Variants in TSPEAR observed in about 807,000 individuals in gnomAD.
TSPEAR encodes thrombospondin-type laminin G domain and EAR repeat-containing protein.
TSPEAR carries 69 observed loss-of-function variants against 71.6 expected under a neutral mutation model. The ratio of observed to expected loss-of-function variants is 0.96; its 90% CI spans 0.79 to 1.18. The LOEUF is 1.18. Among genes scored for constraint, TSPEAR ranks in the 50% most tolerant of loss-of-function variants. TSPEAR has a pLI of 0.00. For missense variants in TSPEAR, 971 were observed against 894.9 expected, an observed-to-expected ratio of 1.09 and a Z score of -1.09; for synonymous variants, 402 against 387.2, an observed-to-expected ratio of 1.04 and a Z score of -0.45.
At chr21:44,658,552 T>G (rs56307129) in intron 1 of TSPEAR, among the ~76,000 whole-genome samples, 1,832 of 152,296 alleles carry the variant, frequency 0.012, 41 homozygotes, top group African/African-American at 0.042. Flanking sequence ...CTCTCTCTTT[T>G]ATCTTCATGT....
At chr21:44,618,417 G>C (rs1569222696) in intron 1 of TSPEAR, among the ~76,000 whole-genome samples, 1 of 152,182 alleles carries the variant, frequency 6.6e-6, no homozygotes, top group Non-Finnish European at 1.5e-5. Context: ...CTTTATAGCA[G>C]TGTGAAAAAG....
At position 44,710,258 on chromosome 21, in the gene TSPEAR, C is replaced by G. The variant is rs1172305279; in HGVS notation, c.82+1175G>C. 6.6e-6 allele frequency among the ~76,000 whole-genome samples: 1 copy of G among 152,218 alleles called. No homozygotes were observed. Among genetic ancestry groups the G allele is most frequent in the African/African-American group, 2.4e-5 (1 of 41,446 alleles). ...TCACCCAGTTCCAAGGCAGTCCCTG[C>G]GGGCAGGTGCAGCTGTGCGGGAGCT... On this transcript the variant is annotated intron_variant, in intron 1 of 11. Transcript: ENST00000323084. This position sits in a 1 kb window ranked among gnomAD's most constrained non-coding sequence, Gnocchi z 4.6.
intron 2 of TSPEAR, chr21:44,558,645 T>C (rs781904493): frequency 1.2e-6 from 2 of 1,613,176 alleles, no homozygotes; most frequent in Non-Finnish European, 1.7e-6. Flanking sequence ...ACAGCAGCTC[T>C]CTGGGCAGGC....
At chr21:44,509,749 C>A in intron 9 of TSPEAR, 1 of 284,114 alleles carries the variant, frequency 3.5e-6, no homozygotes. Flanking sequence ...TTAGTGCCAG[C>A]TGTGCCCAGC....
At chr21:44,500,040 C>T (rs957767215) in intron 11 of TSPEAR, 104 bp from the exon 12 acceptor site, 1 of 1,210,962 alleles carries the variant, frequency 8.3e-7, no homozygotes, top group Non-Finnish European at 1.1e-6. Flanking sequence ...CTCTGGGTCA[C>T]ATCTGAGCCT....
At chr21:44,539,219 A>T in intron 2 of TSPEAR, 1 of 1,552,304 alleles carries the variant, frequency 6.4e-7, no homozygotes, top group Non-Finnish European at 8.7e-7. Flanking sequence ...GGGGGAAGCC[A>T]CCTAACCCAG....
chr21:44,558,766 GGAGT>G (rs782208042), intron 2 of TSPEAR: 3 of 1,559,690 alleles, frequency 1.9e-6, no homozygotes, highest in South Asian at 2.5e-5. Flanking sequence ...AGTGAGTGTG[GGAGT>G]GAGTGAGGGA....
intron 1 of TSPEAR, among the ~76,000 whole-genome samples, chr21:44,636,227 A>T (rs1555936638): frequency 1.3e-5 from 2 of 152,172 alleles, no homozygotes; most frequent in African/African-American, 4.8e-5. Context: ...CCAGCACCCA[A>T]CCCTGCCGGG....
chr21:44,574,761 G>T, intron 1 of TSPEAR: 1 of 1,613,702 alleles, frequency 6.2e-7, no homozygotes, highest in African/African-American at 1.3e-5. Flanking sequence ...TTGCTCTGGG[G>T]CTTCCTCTTC....
intron 3 of TSPEAR, 21 bp downstream of exon 3, chr21:44,533,664 C>T: frequency 6.3e-7 from 1 of 1,587,160 alleles, no homozygotes; most frequent in Non-Finnish European, 8.6e-7. Flanking sequence ...GCAGGTGCAC[C>T]CTCCCCGGGT....
chr21:44,667,426 G>A (rs1178320778), intron 1 of TSPEAR, among the ~76,000 whole-genome samples: 2 of 152,218 alleles, frequency 1.3e-5, no homozygotes, highest in Non-Finnish European at 2.9e-5. Context: ...TCCATAGGAT[G>A]AGTGGGGACA....
chr21:44,504,604 T>G (rs1233135917), intron 11 of TSPEAR, among the ~76,000 whole-genome samples, 176 bp downstream of exon 11: 4 of 47,796 alleles, frequency 8.4e-5, no homozygotes, highest in Non-Finnish European at 1.1e-4. Context: ...GGGAAGCAAG[T>G]CTCTTGGAGG....
chr21:44,705,394 T>C (rs1987860256), intron 1 of TSPEAR, among the ~76,000 whole-genome samples: 1 of 152,218 alleles, frequency 6.6e-6, no homozygotes, highest in African/African-American at 2.4e-5. Context: ...TAACAGCAAT[T>C]GTTCAGGGAA....
At chr21:44,603,974 G>A (rs188026145) in intron 1 of TSPEAR, among the ~76,000 whole-genome samples, 5 of 151,958 alleles carry the variant, frequency 3.3e-5, no homozygotes, top group East Asian at 3.9e-4. Flanking sequence ...GGGAGACTGC[G>A]GGCTCACTGT....
chr21:44,504,533 G>GCAGCTCATTACC (rs1569148894), intron 11 of TSPEAR, among the ~76,000 whole-genome samples: 22 of 144,322 alleles, frequency 1.5e-4, no homozygotes, highest in African/African-American at 4.1e-4. Context: ...GCCGGCCTCG[G>GCAGCTCATTACC]TGAGCCCACA....
intron 1 of TSPEAR, among the ~76,000 whole-genome samples, chr21:44,698,483 C>G (rs1987492592): frequency 6.6e-6 from 1 of 152,232 alleles, no homozygotes; most frequent in African/African-American, 2.4e-5. Flanking sequence ...CGTCCCCACC[C>G]CAGCCCAGCA....
At chr21:44,609,358 A>G (rs2146169301) in intron 1 of TSPEAR, among the ~76,000 whole-genome samples, 1 of 152,364 alleles carries the variant, frequency 6.6e-6, no homozygotes, top group Admixed American at 6.5e-5. Context: ...TATGGCTCAA[A>G]AATATATCTT....
chr21:44,631,187 G>A (rs1983235795), intron 1 of TSPEAR, among the ~76,000 whole-genome samples: 1 of 152,062 alleles, frequency 6.6e-6, no homozygotes, highest in South Asian at 2.1e-4. Context: ...AGAGCTAAAG[G>A]AAACCATGAC....
intron 1 of TSPEAR, among the ~76,000 whole-genome samples, chr21:44,630,449 A>T (rs1983190670): frequency 6.6e-6 from 1 of 152,200 alleles, no homozygotes; most frequent in Non-Finnish European, 1.5e-5. Context: ...TGGGAGGAAG[A>T]GCTGAGAAAT....
Sources: gnomAD v4.1 joint callset for allele counts (sites outside exome capture counted in the v4.1 genomes callset) on GRCh38, gnomAD v4.1.1 for gene constraint, Gnocchi (gnomAD v3.1) non-coding constraint, MANE v1.5 for transcripts, NCBI Gene and HGNC (gene_info 2026-07-23, HGNC 2026-07-21) for gene names.